Variants in CNNM3 observed in about 807,000 individuals in gnomAD.
CNNM3 encodes metal transporter CNNM3.
Under a neutral mutation model 57.1 loss-of-function variants are expected in CNNM3, and 47 were observed. The observed-to-expected ratio is 0.82, with a 90% CI of 0.65 to 1.05. The LOEUF (loss-of-function observed/expected upper bound fraction) is 1.05. Among genes scored for constraint, CNNM3 ranks in the 50% least tolerant of loss-of-function variants. The pLI, the probability that CNNM3 is intolerant of heterozygous loss-of-function variation, is 0.00. For missense variants in CNNM3, 957 were observed against 973.7 expected (o/e 0.98, Z 0.23); for synonymous variants, 507 against 478.2 (o/e 1.06, Z -0.79).
rs367902304 is a variant in CNNM3, at chr2:96,831,104, TC to T, written c.2060-1446del. Among the ~76,000 whole-genome samples, 47 of 152,324 alleles carry T rather than the reference TC, an allele frequency of 3.1e-4. No individual in the cohort carries two copies. In the East Asian group the frequency reaches 3.3e-3, roughly 11 times the overall value. On this transcript the variant is annotated intron_variant, in intron 7 of 7. Transcript: ENST00000305510. ...TTTTTAAATAATCTTCACTGGGCCG[TC>T]CTGTAAGAGAATAGTTGATAGTGGC...
In CNNM3 at chr2:96,816,349, G is replaced by A; in HGVS notation, c.72G>A (p.Ala24=). The A allele has an allele frequency of 7.7e-7, 1 of 1,292,256 alleles. No homozygotes were observed. The highest frequency in any genetic ancestry group is 9.8e-7 in the Non-Finnish European group (1 of 1,019,552). The allele number at this position is 1,292,256 out of a possible 1,614,324, so 80.0% of individuals were successfully genotyped here. ...LFAALCLGNA[A]GEAAPGPRVL... The stretch of plus-strand genomic sequence containing the variant: ...CCGCGCTCTGCCTGGGCAACGCCGC[G>A]GGGGAGGCCGCGCCGGGCCCGCGAG... Residue 24 remains alanine, a synonymous_variant, in exon 1 of 8, where the codon GCG becomes GCA. Coordinates refer to ENST00000305510, the MANE Select transcript of CNNM3 (RefSeq NM_017623.5).
In CNNM3 at chr2:96,828,665, A is replaced by G. The variant is rs759739621; in HGVS notation, c.1885A>G (p.Thr629Ala). The G allele has an allele frequency of 3.1e-6, 5 of 1,613,912 alleles. No homozygotes were observed. Among genetic ancestry groups the G allele is most frequent in the Admixed American group, 3.3e-5 (2 of 59,990 alleles). The change falls in exon 6 of 8, where the codon ACC becomes GCC. Residue 629 changes from threonine to alanine, a missense_variant. Thr to Ala is a moderately conservative substitution (Grantham distance 58, BLOSUM62 0). This residue lies in a region of CNNM3 where 491 missense variants were observed against 570.6 expected (regional missense o/e 0.86). Transcript: ENST00000305510. ...THSSAYCPDY[T>A]VRALSDLQLI... ...TTCATCTGCGTATTGTCCCGACTACACCGTGAGGGCGCTCTCTGATCTGCA... is the reference window on the plus strand; with the variant it reads ...TTCATCTGCGTATTGTCCCGACTACGCCGTGAGGGCGCTCTCTGATCTGCA...
chr2:96,826,215 AT>A lies in CNNM3; in HGVS notation c.1370-606del, dbSNP rs527800719. ...CCAGAGAGGCTGTTATTATTTTTTA[AT>A]TTTTTTTTTTTATTTTGAGACGGTC... is the stretch of plus-strand genomic sequence containing the variant. On this transcript the variant is annotated intron_variant, in intron 2 of 7. Transcript: ENST00000305510. Among the ~76,000 whole-genome samples, 171 of 147,384 alleles carry A rather than the reference AT, an allele frequency of 1.2e-3. 1 individual carries two copies. The South Asian group carries it at 0.013, about 11-fold the overall frequency.
intron 6 of CNNM3, 128 bp downstream of exon 6, chr2:96,828,828 C>T: frequency 4.7e-6 from 7 of 1,478,714 alleles, no homozygotes; most frequent in Non-Finnish European, 6.5e-6. Context: ...GACCTTTGCA[C>T]CCAGTTTCCA....
In CNNM3 at chr2:96,833,239, C is replaced by T. The variant is rs1280696580; in HGVS notation, c.*623C>T. On this transcript the variant is annotated 3_prime_UTR_variant, in exon 8 of 8. Transcript: ENST00000305510. ...CTGTCCCTGTAGCCCTGCTCCCTCC[C>T]TGGAGGCTGCTCTTCTGATTCTGAG... The T allele has an allele frequency of 2.9e-6, 1 of 348,156 alleles. No homozygotes were observed. The highest frequency in any genetic ancestry group is 2.2e-5 in the South Asian group (1 of 46,016). 21.6% of individuals were successfully genotyped at this position (348,156 alleles called of 1,614,324 possible).
At chr2:96,822,224 C>T (rs1417993593) in intron 1 of CNNM3, among the ~76,000 whole-genome samples, 2 of 151,956 alleles carry the variant, frequency 1.3e-5, no homozygotes, top group Non-Finnish European at 2.9e-5. Flanking sequence ...AGGATAGTTT[C>T]GATCTCTTGA....
intron 1 of CNNM3, among the ~76,000 whole-genome samples, chr2:96,822,896 T>C (rs577562866): frequency 1.3e-5 from 2 of 152,232 alleles, no homozygotes; most frequent in East Asian, 1.9e-4. Flanking sequence ...AAAATTAAAC[T>C]TGAAGCTTTT....
intron 7 of CNNM3, 88 bp downstream of exon 7, chr2:96,829,222 C>CT: frequency 6.9e-7 from 1 of 1,442,500 alleles, no homozygotes; most frequent in East Asian, 2.5e-5. Flanking sequence ...GCCGCCCCCC[C>CT]ACCCTCTGTC....
chr2:96,834,316 C>T lies in CNNM3; in HGVS notation c.*1700C>T, dbSNP rs1181368219. On this transcript the variant is annotated 3_prime_UTR_variant, in exon 8 of 8. Transcript: ENST00000305510. Reference sequence around the variant, plus strand: ...TAATCAGAGTCGGCATCAGAGTTTTCAATTTTTTATTTATTTATTATTATT... The same window carrying T: ...TAATCAGAGTCGGCATCAGAGTTTTTAATTTTTTATTTATTTATTATTATT... 6.7e-6 allele frequency among the ~76,000 whole-genome samples: 1 copy of T among 148,720 alleles called. No homozygotes were observed. The highest frequency in any genetic ancestry group is 1.5e-5 in the Non-Finnish European group (1 of 67,748).
intron 7 of CNNM3, among the ~76,000 whole-genome samples, chr2:96,830,922 T>C (rs1436816819): frequency 6.6e-6 from 1 of 152,232 alleles, no homozygotes; most frequent in African/African-American, 2.4e-5. Flanking sequence ...CACTGGGGTC[T>C]CAGAGGCCAA....
Position 96,832,590 on chromosome 2 carries a change from A to G in CNNM3, c.2098A>G (p.Ser700Gly). The change falls in exon 8 of 8, where the codon AGC becomes GGC. Residue 700 changes from serine to glycine, a missense_variant. Physicochemically the swap from Ser to Gly is moderately conservative, Grantham distance 56. Coordinates refer to ENST00000305510, the MANE Select transcript of CNNM3 (RefSeq NM_017623.5). Reference sequence around the variant, plus strand: ...CAGGCCCGGCGTCCCGGTGGAAGGCAGCCCTGGGCGGAACCCAGGCGTTTA... The same window carrying G: ...CAGGCCCGGCGTCCCGGTGGAAGGCGGCCCTGGGCGGAACCCAGGCGTTTA... ...HSRPGVPVEG[S>G]PGRNPGV The G allele has an allele frequency of 1.9e-6, 3 of 1,614,160 alleles. No homozygotes were observed. The highest frequency in any genetic ancestry group is 2.5e-6 in the Non-Finnish European group (3 of 1,180,050).
chr2:96,827,043 C>T (rs2079519867), intron 3 of CNNM3, 61 bp downstream of exon 3: 10 of 1,563,372 alleles, frequency 6.4e-6, no homozygotes, highest in East Asian at 2.2e-5. Context: ...GTCAGGAGGC[C>T]GCCCAGGGCC....
chr2:96,836,262 G>A (rs570885945), downstream of CNNM3, among the ~76,000 whole-genome samples: 1 of 137,372 alleles, frequency 7.3e-6, no homozygotes, highest in Non-Finnish European at 1.5e-5. Flanking sequence ...TTTTTTTTGA[G>A]ATGTAGTTTC....
chr2:96,829,467 A>G (rs982438973), intron 7 of CNNM3, among the ~76,000 whole-genome samples: 4 of 151,334 alleles, frequency 2.6e-5, no homozygotes, highest in African/African-American at 9.7e-5. Flanking sequence ...CGCCTGGCCA[A>G]TTTTTGTATT....
At chr2:96,832,081 C>G (rs2079612866) in intron 7 of CNNM3, 4 of 993,098 alleles carry the variant, frequency 4.0e-6, no homozygotes, top group Non-Finnish European at 4.8e-6. Context: ...AAATATCTTC[C>G]CTCTCCCTGC....
chr2:96,829,179 GCCGTGAGCTCA>G (rs1338445080), intron 7 of CNNM3, 45 bp downstream of exon 7: 2 of 1,596,492 alleles, frequency 1.3e-6, no homozygotes, highest in Non-Finnish European at 1.7e-6. Flanking sequence ...GGACCTGAGG[GCCGTGAGCTCA>G]CACACACAGA....
At chr2:96,831,958 G>C in intron 7 of CNNM3, 1 of 984,454 alleles carries the variant, frequency 1.0e-6, no homozygotes, top group Non-Finnish European at 1.2e-6. Context: ...TTCTCTCTCT[G>C]CTCTCTTTAG....
chr2:96,820,339 C>T (rs2079387962), intron 1 of CNNM3, among the ~76,000 whole-genome samples: 1 of 152,116 alleles, frequency 6.6e-6, no homozygotes, highest in Non-Finnish European at 1.5e-5. Context: ...AAGGGCCGGG[C>T]GTGGGGAGCA....
In CNNM3 at chr2:96,816,319, G is replaced by A; in HGVS notation, c.42G>A (p.Leu14=). ...CTGCGGCGGGTCGGTTAGGCTGGTT[G>A]TTCGCCGCGCTCTGCCTGGGCAACG... ...AVAAAGRLGW[L]FAALCLGNAA... Residue 14 remains leucine (L), a synonymous_variant, in exon 1 of 8, where the codon TTG becomes TTA. Coordinates refer to ENST00000305510, the MANE Select transcript of CNNM3 (RefSeq NM_017623.5). The A allele has an allele frequency of 7.8e-7, 1 of 1,288,744 alleles. No homozygotes were observed. The highest frequency in any genetic ancestry group is 9.8e-7 in the Non-Finnish European group (1 of 1,019,172). The allele number at this position is 1,288,744 out of a possible 1,614,324, so 79.8% of individuals were successfully genotyped here.
Sources: gnomAD v4.1 joint callset for allele counts (sites outside exome capture counted in the v4.1 genomes callset) on GRCh38, gnomAD v4.1.1 for gene constraint, gnomAD v4.1.1 regional missense constraint, MANE v1.5 for transcripts, NCBI Gene and HGNC (gene_info 2026-07-23, HGNC 2026-07-21) for gene names.